CSMD2: variants seen among roughly 807,000 people sequenced by gnomAD.
CSMD2 encodes the protein CUB and sushi domain-containing protein 2.
CSMD2 carries 130 observed loss-of-function variants against 398.5 expected under a neutral mutation model. The observed-to-expected ratio is 0.33, with a 90% CI of 0.28 to 0.38. CSMD2 has a LOEUF of 0.38. CSMD2 is among the 10% of genes least tolerant of loss of function. The pLI is 1.00. For synonymous variants in CSMD2, 1,828 were observed against 1,908.5 expected, an observed-to-expected ratio of 0.96 and a Z score of 1.10; for missense variants, 3,829 against 4,764.9, an observed-to-expected ratio of 0.80 and a Z score of 5.78.
chr1:33,764,408 C>T (rs1035073958), intron 13 of CSMD2, among the ~76,000 whole-genome samples: 3 of 152,182 alleles, frequency 2.0e-5, no homozygotes, highest in Non-Finnish European at 2.9e-5. Flanking sequence ...CTCAAGGCGA[C>T]GTCCCCTTCA....
intron 1 of CSMD2, among the ~76,000 whole-genome samples, chr1:34,092,773 G>A (rs867582278): frequency 2.0e-5 from 3 of 152,264 alleles, no homozygotes; most frequent in East Asian, 3.9e-4. Context: ...ACGGAGTCTC[G>A]CTGATTGCTA....
At position 33,698,882 on chromosome 1, in the gene CSMD2, C is replaced by T. The variant is rs1557750224; in HGVS notation, c.3796G>A (p.Glu1266Lys). ...ACGGAGCTCCCTGCAAAATGACCTT[C>T]ATCATGAACCTTGTAGCCAAACTTG... is the stretch of plus-strand genomic sequence containing the variant. ...TPKFGYKVHD[E>K]GHFAGSSVSF... The change falls in exon 24 of 71, where the codon GAA becomes AAA. Residue 1266 changes from glutamate to lysine, a missense_variant. Glu to Lys is a moderately conservative substitution (Grantham distance 56). Around this residue, in one of 5 missense-constraint regions of CSMD2, gnomAD observed 2,001 missense variants for 2,567.1 expected, o/e 0.78. Coordinates refer to ENST00000373381, the MANE Select transcript of CSMD2 (RefSeq NM_001281956.2). The T allele has an allele frequency of 6.2e-7, 1 of 1,614,100 alleles. No homozygotes were observed. The highest frequency in any genetic ancestry group is 1.7e-5 in the Admixed American group (1 of 60,014).
In CSMD2 at chr1:34,058,909, C is replaced by T. The variant is rs146373930; in HGVS notation, c.405-26203G>A. On this transcript the variant is annotated intron_variant, in intron 2 of 70. Transcript: ENST00000373381. ...TTTTAGATCTCAACTAGCCTTGAAC[C>T]TTGGGTGGGGCCCTTGTCTAAACCA... Among the ~76,000 whole-genome samples, 3 of 152,266 alleles carry T rather than the reference C, an allele frequency of 2.0e-5. No homozygotes were observed. The East Asian group carries it at 5.8e-4, about 29-fold the overall frequency.
At chr1:33,658,706 T>TA (rs1644030170) in intron 26 of CSMD2, among the ~76,000 whole-genome samples, 1 of 151,840 alleles carries the variant, frequency 6.6e-6, no homozygotes, top group South Asian at 2.1e-4. Flanking sequence ...TACAAAAAAA[T>TA]AAAAAAGATT....
chr1:33,980,291 TC>T (rs140312890), intron 3 of CSMD2, among the ~76,000 whole-genome samples: 1,841 of 152,288 alleles, frequency 0.012, 23 homozygotes, highest in Non-Finnish European at 0.017. Context: ...GACCACTGGC[TC>T]CTTCCTTGCT....
At chr1:33,995,054 C>G (rs1008171354) in intron 3 of CSMD2, among the ~76,000 whole-genome samples, 4 of 148,802 alleles carry the variant, frequency 2.7e-5, no homozygotes, top group Non-Finnish European at 5.9e-5. Context: ...CAGAGCAAGA[C>G]TCCGTCTCAA....
rs577212367 is a variant in CSMD2, at chr1:34,055,072, C to T, written c.405-22366G>A. On this transcript the variant is annotated intron_variant, in intron 2 of 70. Coordinates refer to ENST00000373381, the MANE Select transcript of CSMD2 (RefSeq NM_001281956.2). Reference sequence around the variant, plus strand: ...TGGAGCCCCTGGGTAGCTCTGCCTCCCCCTGGCATGGTGACAAGACCCTTT... The same window carrying T: ...TGGAGCCCCTGGGTAGCTCTGCCTCTCCCTGGCATGGTGACAAGACCCTTT... Among the ~76,000 whole-genome samples the T allele has an allele frequency of 4.7e-4, 72 of 152,228 alleles. No individual in the cohort carries two copies. In the South Asian group the frequency reaches 8.1e-3, roughly 17 times the overall value.
chr1:33,583,625 G>A lies in CSMD2; in HGVS notation c.7240+17C>T, dbSNP rs1243129741. 1 of 1,610,522 alleles carries A rather than the reference G, an allele frequency of 6.2e-7. No individual in the cohort carries two copies. The highest frequency in any genetic ancestry group is 8.5e-7 in the Non-Finnish European group (1 of 1,177,432). On this transcript the variant is annotated intron_variant, in intron 47 of 70. Transcript: ENST00000373381. ...GTCTTCTGCAGCAGAGAACTGTGAG[G>A]CATTTGACTGACTTACCATCAAAAA...
At chr1:33,868,949 A>C (rs1000811211) in intron 5 of CSMD2, 1 of 152,176 alleles carries the variant, frequency 6.6e-6, no homozygotes, top group Non-Finnish European at 1.5e-5. Flanking sequence ...GCCAAGGTGT[A>C]AGAGAAGAGT....
At chr1:33,707,326 C>A (rs1471749084) in intron 22 of CSMD2, among the ~76,000 whole-genome samples, 1 of 152,216 alleles carries the variant, frequency 6.6e-6, no homozygotes, top group Admixed American at 6.5e-5. Flanking sequence ...AAAGCCTCTG[C>A]ATTGCCCAGC....
At chr1:33,759,872 T>C (rs1395975608) in intron 13 of CSMD2, among the ~76,000 whole-genome samples, 1 of 152,162 alleles carries the variant, frequency 6.6e-6, no homozygotes, top group African/African-American at 2.4e-5. Flanking sequence ...TAAACTGGGA[T>C]TGTCCCAAGC....
At chr1:33,977,561 C>T (rs1463098490) in intron 3 of CSMD2, among the ~76,000 whole-genome samples, 1 of 152,008 alleles carries the variant, frequency 6.6e-6, no homozygotes, top group Non-Finnish European at 1.5e-5. Flanking sequence ...AAGCAACTTC[C>T]AGGGACCCTC....
intron 2 of CSMD2, among the ~76,000 whole-genome samples, chr1:34,087,509 C>T (rs1410574568): frequency 6.6e-6 from 1 of 151,568 alleles, no homozygotes; most frequent in Non-Finnish European, 1.5e-5. Flanking sequence ...AGGAGAAATA[C>T]GTAATGTAGA....
chr1:33,611,237 C>T lies in CSMD2; in HGVS notation c.6147G>A (p.Gln2049=). Reference sequence around the variant, plus strand: ...TGGGCTCGGTGGAGAAGTTCAGGAACTGGATGTGAGCTCCTGGGAGCAAGA... The same window carrying T: ...TGGGCTCGGTGGAGAAGTTCAGGAATTGGATGTGAGCTCCTGGGAGCAAGA... ...ALPVGFGAHI[Q]FLNFSTEPNH... Residue 2049 remains glutamine (Q), a synonymous_variant, in exon 41 of 71, where the codon CAG becomes CAA. Transcript: ENST00000373381. 1 of 1,613,834 alleles carries T rather than the reference C, an allele frequency of 6.2e-7. No individual in the cohort carries two copies. Among genetic ancestry groups the T allele is most frequent in the Non-Finnish European group, 8.5e-7 (1 of 1,179,956 alleles).
intron 10 of CSMD2, among the ~76,000 whole-genome samples, chr1:33,797,090 C>A (rs948684081): frequency 2.0e-4 from 31 of 152,194 alleles, no homozygotes; most frequent in Non-Finnish European, 2.2e-4. Context: ...TGAACATAGA[C>A]CCTTATCAGT....
At chr1:34,017,968 G>C (rs561970844) in intron 3 of CSMD2, among the ~76,000 whole-genome samples, 23 of 152,110 alleles carry the variant, frequency 1.5e-4, no homozygotes, top group Non-Finnish European at 2.8e-4. Flanking sequence ...AGTTTACTCT[G>C]ATTTTGGTTT....
At chr1:33,790,588 G>T (rs1654113588) in intron 11 of CSMD2, among the ~76,000 whole-genome samples, 1 of 151,994 alleles carries the variant, frequency 6.6e-6, no homozygotes. Context: ...GAAGATCTTG[G>T]GACCTGTCAG....
intron 25 of CSMD2, among the ~76,000 whole-genome samples, chr1:33,677,658 T>C (rs1280126096): frequency 6.6e-6 from 1 of 152,040 alleles, no homozygotes; most frequent in East Asian, 1.9e-4. Context: ...CACATGCACA[T>C]GTATGTTTAT....
intron 19 of CSMD2, among the ~76,000 whole-genome samples, chr1:33,720,864 A>AT (rs1279642358): frequency 6.6e-6 from 1 of 151,546 alleles, no homozygotes; most frequent in Non-Finnish European, 1.5e-5. Flanking sequence ...CCGCCAAATA[A>AT]TTTTTTTTGT....
Sources: gnomAD v4.1 joint callset for allele counts (sites outside exome capture counted in the v4.1 genomes callset) on GRCh38, gnomAD v4.1.1 for gene constraint, gnomAD v4.1.1 regional missense constraint, MANE v1.5 for transcripts, NCBI Gene and HGNC (gene_info 2026-07-23, HGNC 2026-07-21) for gene names.